Variants in DNAL1 observed in about 807,000 individuals in gnomAD.
DNAL1 encodes chromosome 14 open reading frame 168.
DNAL1 carries 17 observed loss-of-function variants against 29.4 expected under a neutral mutation model. The ratio of observed to expected loss-of-function variants is 0.58; its 90% CI spans 0.40 to 0.87. The LOEUF is 0.87. Ranked by LOEUF, DNAL1 falls within the 40% of genes least tolerant of loss-of-function variation. The pLI, the probability that DNAL1 is intolerant of heterozygous loss-of-function variation, is 0.00. For synonymous variants in DNAL1, 78 were observed against 76.3 expected (o/e 1.02, Z -0.12); for missense variants, 188 against 214.1 (o/e 0.88, Z 0.76).
intron 7 of DNAL1, among the ~76,000 whole-genome samples, chr14:73,693,401 C>G (rs953006345): frequency 2.6e-5 from 4 of 152,022 alleles, no homozygotes; most frequent in Non-Finnish European, 5.9e-5. Flanking sequence ...ATATTAATAG[C>G]TAAAAATTAT....
At chr14:73,687,449 G>A in intron 6 of DNAL1, 64 bp downstream of exon 6, 1 of 1,447,412 alleles carries the variant, frequency 6.9e-7, no homozygotes. Flanking sequence ...GTCCGAGAGG[G>A]AAAAGATGCA....
rs114581244 is a variant in DNAL1, at chr14:73,696,198, G to T, written c.*256G>T. The T allele has an allele frequency of 2.7e-6, 1 of 368,232 alleles. No homozygotes were observed. 22.8% of individuals were successfully genotyped at this position (368,232 alleles called of 1,614,324 possible). ...GATTTTTGTCTTCAGTCTCAGTTAC[G>T]TACTGTGTAGCCCCATCTACTAAAA... On this transcript the variant is annotated 3_prime_UTR_variant, in exon 8 of 8. Coordinates refer to ENST00000553645, the MANE Select transcript of DNAL1 (RefSeq NM_031427.4).
At chr14:73,691,184 CTA>C (rs1278211621) in intron 7 of DNAL1, among the ~76,000 whole-genome samples, 1 of 152,144 alleles carries the variant, frequency 6.6e-6, no homozygotes, top group Non-Finnish European at 1.5e-5. Context: ...ATAAAATAAT[CTA>C]TGTGAAACAA....
chr14:73,670,449 C>G (rs555137012), intron 4 of DNAL1, among the ~76,000 whole-genome samples: 2 of 152,196 alleles, frequency 1.3e-5, no homozygotes, highest in South Asian at 4.1e-4. Flanking sequence ...TAGTAATAAG[C>G]AAAAGTAATC....
intron 5 of DNAL1, among the ~76,000 whole-genome samples, chr14:73,682,436 G>A (rs985349706): frequency 6.9e-6 from 1 of 145,842 alleles, no homozygotes; most frequent in Non-Finnish European, 1.5e-5. Flanking sequence ...TGATCTGCCC[G>A]CCTTGGCCTC....
chr14:73,670,805 C>T (rs529397386), intron 4 of DNAL1, among the ~76,000 whole-genome samples: 57 of 151,594 alleles, frequency 3.8e-4, no homozygotes, highest in African/African-American at 1.4e-3. Context: ...GGCGAGATCT[C>T]GGCTCACTGC....
intron 4 of DNAL1, among the ~76,000 whole-genome samples, chr14:73,667,189 C>T (rs181750820): frequency 4.5e-4 from 68 of 150,818 alleles, no homozygotes; most frequent in African/African-American, 1.5e-3. Flanking sequence ...TGGCTGGGGA[C>T]GGTGGCTCAC....
rs975286998 is a variant in DNAL1, at chr14:73,663,139, A to G, written c.208+1097A>G. On this transcript the variant is annotated intron_variant, in intron 4 of 7. Coordinates refer to ENST00000553645, the MANE Select transcript of DNAL1 (RefSeq NM_031427.4). ...GAATATGCATATCAAATATATACGT[A>G]CATATAAACTTGAATAAAGTTTGCA... Among the ~76,000 whole-genome samples, 6 of 151,926 alleles carry G rather than the reference A, an allele frequency of 3.9e-5. No homozygotes were observed. In the South Asian group the frequency reaches 6.2e-4, roughly 16 times the overall value.
intron 1 of DNAL1, among the ~76,000 whole-genome samples, chr14:73,654,344 A>G (rs568281332): frequency 6.6e-6 from 1 of 152,322 alleles, no homozygotes; most frequent in East Asian, 1.9e-4. Context: ...AATCATTTTG[A>G]TTTCAGGAAA....
intron 1 of DNAL1, among the ~76,000 whole-genome samples, chr14:73,648,418 T>TATATATATATA (rs1566878086): frequency 1.1e-4 from 1 of 9,422 alleles, no homozygotes; most frequent in South Asian, 3.4e-3. Flanking sequence ...ATATATATAT[T>TATATATATATA]TGTTGTTTGT....
At chr14:73,686,433 C>T (rs1377855541) in intron 5 of DNAL1, among the ~76,000 whole-genome samples, 1 of 152,196 alleles carries the variant, frequency 6.6e-6, no homozygotes, top group African/African-American at 2.4e-5. Flanking sequence ...TGGCTGGGCA[C>T]AGTGGCTCAT....
At chr14:73,674,295 A>T (rs115333167) in intron 5 of DNAL1, among the ~76,000 whole-genome samples, 1 of 152,030 alleles carries the variant, frequency 6.6e-6, no homozygotes, top group Admixed American at 6.6e-5. Context: ...TAAAAACTCT[A>T]TTGCCATGGA....
chr14:73,675,211 A>AAC (rs141910596), intron 5 of DNAL1, among the ~76,000 whole-genome samples: 2,982 of 147,322 alleles, frequency 0.02, 42 homozygotes, highest in African/African-American at 0.043. Flanking sequence ...CTCACACACA[A>AAC]ACACACACAC....
At chr14:73,681,156 C>T (rs568597014) in intron 5 of DNAL1, among the ~76,000 whole-genome samples, 3 of 148,166 alleles carry the variant, frequency 2.0e-5, no homozygotes, top group South Asian at 2.1e-4. Context: ...TTTTTTGAGA[C>T]GGAGTCTCAC....
chr14:73,666,860 C>G (rs1271006181), intron 4 of DNAL1, among the ~76,000 whole-genome samples: 1 of 152,094 alleles, frequency 6.6e-6, no homozygotes, highest in Non-Finnish European at 1.5e-5. Context: ...ATACTGTCCC[C>G]CTTGATTTCC....
chr14:73,645,191 C>A, intron 1 of DNAL1, 149 bp downstream of exon 1: 3 of 1,443,048 alleles, frequency 2.1e-6, no homozygotes, highest in East Asian at 2.5e-5. Flanking sequence ...GGGCCCGAGG[C>A]GAAAGAGAAG....
In DNAL1 at chr14:73,696,135, A is replaced by G; in HGVS notation, c.*193A>G. Reference sequence around the variant, plus strand: ...CCCCAAAACTGGTAATGCCAACCTTATATATCCTATTTCTCTTTTTAGAAA... The same window carrying G: ...CCCCAAAACTGGTAATGCCAACCTTGTATATCCTATTTCTCTTTTTAGAAA... On this transcript the variant is annotated 3_prime_UTR_variant, in exon 8 of 8. Transcript: ENST00000553645. 1 of 556,608 alleles carries G rather than the reference A, an allele frequency of 1.8e-6. No homozygotes were observed. Among genetic ancestry groups the G allele is most frequent in the Non-Finnish European group, 3.0e-6 (1 of 328,160 alleles). The allele number at this position is 556,608 out of a possible 1,614,324, so 34.5% of individuals were successfully genotyped here.
At position 73,668,867 on chromosome 14, in the gene DNAL1, G is replaced by T. The variant is rs140431087; in HGVS notation, c.209-2675G>T. ...AATTTTTTTATTTTTAGTAGAGACAGGGTTTCGCCATGTTGGCCAGGCTGG... is the reference window on the plus strand; with the variant it reads ...AATTTTTTTATTTTTAGTAGAGACATGGTTTCGCCATGTTGGCCAGGCTGG... On this transcript the variant is annotated intron_variant, in intron 4 of 7. Coordinates refer to ENST00000553645, the MANE Select transcript of DNAL1 (RefSeq NM_031427.4). Among the ~76,000 whole-genome samples, 5 of 152,188 alleles carry T rather than the reference G, an allele frequency of 3.3e-5. No homozygotes were observed. In the East Asian group the frequency reaches 9.7e-4, roughly 29 times the overall value.
In DNAL1 at chr14:73,687,366, T is replaced by C. The variant is rs747582165; in HGVS notation, c.372T>C (p.Asn124=). ...MKKLKILYMS[N]NLVKDWAEFV... ...AATTGAAGATTCTCTACATGTCTAATAACCTGGTAAAAGACTGGGGTAAGC... is the reference window on the plus strand; with the variant it reads ...AATTGAAGATTCTCTACATGTCTAACAACCTGGTAAAAGACTGGGGTAAGC... Residue 124 remains asparagine, a synonymous_variant, in exon 6 of 8, where the codon AAT becomes AAC. Coordinates refer to ENST00000553645, the MANE Select transcript of DNAL1 (RefSeq NM_031427.4). 2 of 1,605,554 alleles carry C rather than the reference T, an allele frequency of 1.2e-6. No homozygotes were observed. The highest frequency in any genetic ancestry group is 1.7e-6 in the Non-Finnish European group (2 of 1,176,140).
Sources: gnomAD v4.1 joint callset for allele counts (sites outside exome capture counted in the v4.1 genomes callset) on GRCh38, gnomAD v4.1.1 for gene constraint, MANE v1.5 for transcripts, NCBI Gene and HGNC (gene_info 2026-07-23, HGNC 2026-07-21) for gene names.